OLFM3: variants seen among roughly 807,000 people sequenced by gnomAD.
OLFM3 encodes the protein olfactomedin 3, also known as noelin-3.
In OLFM3, 20 loss-of-function variants were observed where a neutral mutation model predicts 48.6. That is an observed-to-expected ratio of 0.41 (90% CI 0.29 to 0.60). The LOEUF is 0.60. Ranked by LOEUF, OLFM3 falls within the 20% of genes least tolerant of loss-of-function variation. OLFM3 has a pLI of 0.28. For synonymous variants in OLFM3, 222 were observed against 198.1 expected, an observed-to-expected ratio of 1.12 and a Z score of -1.01; for missense variants, 437 against 544.3, an observed-to-expected ratio of 0.80 and a Z score of 1.96.
intron 2 of OLFM3, 138 bp downstream of exon 2, chr1:101,836,741 A>G: frequency 1.2e-6 from 1 of 815,912 alleles, no homozygotes; most frequent in East Asian, 2.5e-5. Context: ...CCTTTCAAGG[A>G]TCAGAAAAAA....
chr1:101,896,228 A>C (rs931999939), intron 1 of OLFM3, among the ~76,000 whole-genome samples: 1 of 151,994 alleles, frequency 6.6e-6, no homozygotes, highest in African/African-American at 2.4e-5. Flanking sequence ...TGTGTTTAAT[A>C]ATATGAAGCT....
In OLFM3 at chr1:101,934,246, G is replaced by A. The variant is rs527766793; in HGVS notation, c.69+62502C>T. Among the ~76,000 whole-genome samples the A allele has an allele frequency of 2.0e-5, 3 of 152,268 alleles. No homozygotes were observed. The South Asian group carries it at 6.2e-4, about 32-fold the overall frequency. On this transcript the variant is annotated intron_variant, in intron 1 of 5. Transcript: ENST00000370103. ...CATCTCTCATGTGATGATACTCACA[G>A]CCTCAAATAAAGGGTGGAGAAAAAT...
intron 4 of OLFM3, chr1:101,812,775 G>C: frequency 1.0e-6 from 1 of 988,582 alleles, no homozygotes; most frequent in Non-Finnish European, 1.2e-6. Flanking sequence ...CTAAACATTG[G>C]GTGACCATGG....
intron 2 of OLFM3, among the ~76,000 whole-genome samples, chr1:101,833,223 G>A (rs143264528): frequency 5.7e-4 from 87 of 152,300 alleles, no homozygotes; most frequent in African/African-American, 1.9e-3. Flanking sequence ...ACAGGAAAAT[G>A]CACTGAGATA....
intron 1 of OLFM3, among the ~76,000 whole-genome samples, chr1:101,874,736 T>A (rs189737009): frequency 2.0e-4 from 30 of 152,014 alleles, no homozygotes; most frequent in Admixed American, 1.9e-3. Flanking sequence ...GTGTTAGATC[T>A]GTTGTTCTGT....
intron 1 of OLFM3, among the ~76,000 whole-genome samples, chr1:101,840,740 T>G (rs1655680156): frequency 6.6e-6 from 1 of 151,954 alleles, no homozygotes; most frequent in African/African-American, 2.4e-5. Flanking sequence ...CAACAGAGAG[T>G]GAAATTTAAC....
intron 3 of OLFM3, among the ~76,000 whole-genome samples, chr1:101,828,576 G>T (rs1036813084): frequency 5.3e-5 from 8 of 152,048 alleles, no homozygotes; most frequent in African/African-American, 1.7e-4. Flanking sequence ...TTATTTCTTT[G>T]GGGTTTATCT....
chr1:101,978,423 T>G (rs1469136327), intron 1 of OLFM3, among the ~76,000 whole-genome samples: 4 of 152,188 alleles, frequency 2.6e-5, no homozygotes, highest in African/African-American at 9.6e-5. Context: ...TTATGTTTAT[T>G]TAATTGATAG....
intron 1 of OLFM3, among the ~76,000 whole-genome samples, chr1:101,844,069 G>A (rs1054896311): frequency 8.5e-5 from 13 of 152,126 alleles, no homozygotes; most frequent in Non-Finnish European, 1.9e-4. Flanking sequence ...TTCCATCTAA[G>A]GGAAGAGTTT....
intron 1 of OLFM3, among the ~76,000 whole-genome samples, chr1:101,908,792 C>G (rs1288779234): frequency 6.6e-6 from 1 of 151,948 alleles, no homozygotes; most frequent in Non-Finnish European, 1.5e-5. Flanking sequence ...CAGTGTGACC[C>G]AAAGCAGAGA....
intron 4 of OLFM3, among the ~76,000 whole-genome samples, chr1:101,806,529 T>C (rs1036345929): frequency 4.0e-5 from 6 of 151,788 alleles, no homozygotes; most frequent in Admixed American, 1.3e-4. Context: ...AAATTGCCCA[T>C]AGACCTGTTT....
At chr1:101,832,127 A>C (rs917280742) in intron 2 of OLFM3, among the ~76,000 whole-genome samples, 2 of 152,306 alleles carry the variant, frequency 1.3e-5, no homozygotes, top group Admixed American at 6.5e-5. Flanking sequence ...CACCTCAAGT[A>C]ATCCACCCAC....
chr1:101,983,369 C>A (rs913885439), intron 1 of OLFM3, among the ~76,000 whole-genome samples: 2 of 152,140 alleles, frequency 1.3e-5, no homozygotes, highest in African/African-American at 2.4e-5. Context: ...TGCTATAGGT[C>A]CCCCACTCTC....
In OLFM3 at chr1:101,804,013, C is replaced by A; in HGVS notation, c.*225G>T. 1 of 323,622 alleles carries A rather than the reference C, an allele frequency of 3.1e-6. No homozygotes were observed. Among genetic ancestry groups the A allele is most frequent in the Non-Finnish European group, 5.6e-6 (1 of 179,760 alleles). The allele number at this position is 323,622 out of a possible 1,614,324, so 20.0% of individuals were successfully genotyped here. ...AACTCTTTTTTTTTTTAGTGCTTTTCATGACAAGGACATGATAGGCCTTGT... is the reference window on the plus strand; with the variant it reads ...AACTCTTTTTTTTTTTAGTGCTTTTAATGACAAGGACATGATAGGCCTTGT... On this transcript the variant is annotated 3_prime_UTR_variant, in exon 6 of 6. Transcript: ENST00000370103. This position sits in a 1 kb window ranked among gnomAD's most constrained non-coding sequence, Gnocchi z 4.5.
chr1:101,907,270 A>T (rs1658584724), intron 1 of OLFM3, among the ~76,000 whole-genome samples: 1 of 152,232 alleles, frequency 6.6e-6, no homozygotes, highest in South Asian at 2.1e-4. Context: ...TAAAATACAC[A>T]ACCCACATAT....
chr1:101,930,792 A>G (rs1216503683), intron 1 of OLFM3, among the ~76,000 whole-genome samples: 2 of 152,192 alleles, frequency 1.3e-5, no homozygotes, highest in East Asian at 3.8e-4. Flanking sequence ...GAACATTTGA[A>G]TAATTTTACC....
intron 1 of OLFM3, among the ~76,000 whole-genome samples, chr1:101,943,201 T>C (rs1258781480): frequency 6.6e-6 from 1 of 152,208 alleles, no homozygotes; most frequent in Non-Finnish European, 1.5e-5. Context: ...CTGTCTTAAA[T>C]AATCCGGATG....
intron 1 of OLFM3, among the ~76,000 whole-genome samples, chr1:101,850,556 T>C (rs1314085027): frequency 6.6e-6 from 1 of 152,112 alleles, no homozygotes; most frequent in Non-Finnish European, 1.5e-5. Flanking sequence ...ATCATATATA[T>C]TTCCTAGTTT....
chr1:101,922,786 C>T (rs1659139784), intron 1 of OLFM3, among the ~76,000 whole-genome samples: 2 of 152,120 alleles, frequency 1.3e-5, no homozygotes, highest in South Asian at 4.1e-4. Flanking sequence ...TCACAATGTG[C>T]CTATGAATAT....
Sources: allele counts gnomAD v4.1 joint callset (sites outside exome capture counted in the v4.1 genomes callset), GRCh38; gene constraint gnomAD v4.1.1; non-coding constraint Gnocchi (gnomAD v3.1); transcripts MANE v1.5; gene names NCBI Gene and HGNC (gene_info 2026-07-23, HGNC 2026-07-21).